Variants in CNTNAP2 observed in about 807,000 individuals in gnomAD.
CNTNAP2 encodes the protein contactin-associated protein-like 2.
In CNTNAP2, 98 loss-of-function variants were observed where a neutral mutation model predicts 155.2. That is an observed-to-expected ratio of 0.63 (90% CI 0.54 to 0.75). The LOEUF (loss-of-function observed/expected upper bound fraction) is 0.75. CNTNAP2 is among the 30% of genes least tolerant of loss of function. CNTNAP2 has a pLI of 0.00. For missense variants in CNTNAP2, 1,727 were observed against 1,688.1 expected (o/e 1.02, Z -0.40); for synonymous variants, 651 against 631.2 (o/e 1.03, Z -0.47).
intron 1 of CNTNAP2, among the ~76,000 whole-genome samples, chr7:146,719,402 C>T (rs1368194419): frequency 6.6e-6 from 1 of 152,184 alleles, no homozygotes; most frequent in Non-Finnish European, 1.5e-5. Context: ...AGAAGTATAA[C>T]AGTAGGAGAC....
chr7:147,910,330 A>G (rs1369384830), intron 14 of CNTNAP2, among the ~76,000 whole-genome samples: 1 of 152,184 alleles, frequency 6.6e-6, no homozygotes, highest in Non-Finnish European at 1.5e-5. Flanking sequence ...TGTATGTTTC[A>G]TATACTGTGT....
At chr7:146,771,386 A>G (rs765122691) in intron 1 of CNTNAP2, among the ~76,000 whole-genome samples, 11 of 152,200 alleles carry the variant, frequency 7.2e-5, no homozygotes, top group South Asian at 4.1e-4. Context: ...ACTCCAATTA[A>G]AGGCAACACT....
At chr7:148,325,843 A>G (rs1483209701) in intron 21 of CNTNAP2, among the ~76,000 whole-genome samples, 3 of 152,086 alleles carry the variant, frequency 2.0e-5, no homozygotes, top group Admixed American at 2.0e-4. Context: ...CAGGGAGGCT[A>G]TTTCCTTCCC....
At chr7:147,719,643 G>T (rs751884324) in intron 13 of CNTNAP2, among the ~76,000 whole-genome samples, 1 of 151,994 alleles carries the variant, frequency 6.6e-6, no homozygotes, top group African/African-American at 2.4e-5. Flanking sequence ...ATCTCACTAG[G>T]TAGGGGTATG....
intron 20 of CNTNAP2, among the ~76,000 whole-genome samples, chr7:148,259,007 C>G (rs1796507020): frequency 6.6e-6 from 1 of 151,450 alleles, no homozygotes; most frequent in Non-Finnish European, 1.5e-5. Flanking sequence ...GAAACCCCAT[C>G]TCTACTAAAA....
chr7:147,884,097 AG>A (rs1364803103), intron 13 of CNTNAP2, among the ~76,000 whole-genome samples: 1 of 152,194 alleles, frequency 6.6e-6, no homozygotes, highest in East Asian at 1.9e-4. Flanking sequence ...GGAGGATGAA[AG>A]GTCCTTGAGG....
intron 12 of CNTNAP2, among the ~76,000 whole-genome samples, chr7:147,565,481 A>G (rs1386288237): frequency 6.6e-6 from 1 of 152,194 alleles, no homozygotes; most frequent in Non-Finnish European, 1.5e-5. Context: ...TTGGGCTTCT[A>G]TAAGAGACAG....
chr7:146,641,805 A>G (rs1469607476), intron 1 of CNTNAP2, among the ~76,000 whole-genome samples: 10 of 152,364 alleles, frequency 6.6e-5, no homozygotes, highest in African/African-American at 2.4e-4. Flanking sequence ...GATTCAGAAC[A>G]GATGAATATA....
intron 1 of CNTNAP2, among the ~76,000 whole-genome samples, chr7:146,671,691 A>T (rs1211018471): frequency 6.6e-6 from 1 of 152,154 alleles, no homozygotes; most frequent in Non-Finnish European, 1.5e-5. Context: ...CAATGCCTAA[A>T]CCAGAATAAA....
At chr7:146,129,351 G>A (rs762843185) in intron 1 of CNTNAP2, among the ~76,000 whole-genome samples, 4 of 152,010 alleles carry the variant, frequency 2.6e-5, no homozygotes, top group African/African-American at 2.4e-5. Context: ...TCTGCTATTT[G>A]TTCATTTATA....
At chr7:147,510,567 G>A (rs1798996171) in intron 11 of CNTNAP2, among the ~76,000 whole-genome samples, 1 of 149,940 alleles carries the variant, frequency 6.7e-6, no homozygotes, top group South Asian at 2.1e-4. Flanking sequence ...TACTACAAAT[G>A]GTTCCAAAAA....
chr7:148,350,733 C>T (rs115907544), intron 21 of CNTNAP2, among the ~76,000 whole-genome samples: 3,487 of 152,322 alleles, frequency 0.023, 44 homozygotes, highest in African/African-American at 0.043. Context: ...TTCGTGGTTT[C>T]ATTAAATCGG....
intron 8 of CNTNAP2, among the ~76,000 whole-genome samples, chr7:147,285,319 C>T (rs1323099214): frequency 2.6e-5 from 4 of 151,660 alleles, no homozygotes; most frequent in Non-Finnish European, 5.9e-5. Context: ...CTCGTGTTAC[C>T]CAGTAAACAC....
At chr7:148,053,145 C>T (rs1378215166) in intron 15 of CNTNAP2, among the ~76,000 whole-genome samples, 1 of 152,126 alleles carries the variant, frequency 6.6e-6, no homozygotes, top group Non-Finnish European at 1.5e-5. Flanking sequence ...TGATAGAACA[C>T]TGATAGAATA....
intron 1 of CNTNAP2, among the ~76,000 whole-genome samples, chr7:146,551,802 T>C (rs112185227): frequency 5.3e-5 from 8 of 152,188 alleles, no homozygotes; most frequent in African/African-American, 1.9e-4. Flanking sequence ...CAAAGCTTAT[T>C]TTTCTCCTTC....
At chr7:147,882,907 C>A (rs1433851304) in intron 13 of CNTNAP2, among the ~76,000 whole-genome samples, 1 of 152,168 alleles carries the variant, frequency 6.6e-6, no homozygotes, top group African/African-American at 2.4e-5. Context: ...CAAATATATA[C>A]AGAAATCTTT....
At chr7:146,596,532 T>C (rs1798860761) in intron 1 of CNTNAP2, among the ~76,000 whole-genome samples, 1 of 150,588 alleles carries the variant, frequency 6.6e-6, no homozygotes, top group Admixed American at 6.6e-5. Flanking sequence ...AAGAGTTCTT[T>C]CAAAGAATTT....
intron 21 of CNTNAP2, among the ~76,000 whole-genome samples, chr7:148,347,172 G>A (rs796769690): frequency 2.0e-5 from 3 of 151,870 alleles, no homozygotes; most frequent in African/African-American, 4.8e-5. Context: ...CAGGAGAATC[G>A]CCTGAACCCG....
chr7:146,236,706 G>A (rs1485053388), intron 1 of CNTNAP2, among the ~76,000 whole-genome samples: 1 of 151,878 alleles, frequency 6.6e-6, no homozygotes, highest in East Asian at 1.9e-4. Context: ...TCTTCTCCAG[G>A]GAACTGGGGA....
Sources: gnomAD v4.1 joint callset for allele counts (sites outside exome capture counted in the v4.1 genomes callset) on GRCh38, gnomAD v4.1.1 for gene constraint, MANE v1.5 for transcripts, NCBI Gene and HGNC (gene_info 2026-07-23, HGNC 2026-07-21) for gene names.